CHAMP1: variants seen among roughly 807,000 people sequenced by gnomAD.
The protein encoded by CHAMP1 is chromosome alignment maintaining phosphoprotein 1.
A neutral mutation model predicts 54.5 loss-of-function variants in CHAMP1; 4 were observed. That is an observed-to-expected ratio of 0.07 (90% CI 0.04 to 0.17). The LOEUF is 0.17. Among genes scored for constraint, CHAMP1 ranks in the 10% least tolerant of loss-of-function variants. The probability of loss-of-function intolerance (pLI) is 1.00; values close to 1 mark genes in which losing one functional copy is unlikely to be tolerated. For missense variants in CHAMP1, 994 were observed against 968.6 expected, an observed-to-expected ratio of 1.03 and a Z score of -0.35; for synonymous variants, 368 against 342.2, an observed-to-expected ratio of 1.08 and a Z score of -0.83.
Position 114,325,173 on chromosome 13 carries a change from G to T in CHAMP1, c.1331G>T (p.Gly444Val). ...TCTCCAGAGCTCAGAAAACCCTCAG[G>T]GTCACCAGATCTTTGGAAGCTTTCT... is the stretch of plus-strand genomic sequence containing the variant. ...AGSPELRKPSGSPDLWKLSPD... is the reference protein window; with the variant it reads ...AGSPELRKPSVSPDLWKLSPD... Residue 444 changes from glycine to valine, a missense_variant, in exon 3 of 3, where the codon GGG (glycine) becomes GTG (valine). By Grantham distance (109) the Gly-to-Val change is moderately radical (BLOSUM62 -3). Coordinates refer to ENST00000361283, the MANE Select transcript of CHAMP1 (RefSeq NM_032436.4). 1 of 1,614,072 alleles carries T rather than the reference G, an allele frequency of 6.2e-7. No homozygotes were observed.
At chr13:114,315,115 A>G (rs1455771567) in intron 1 of CHAMP1, among the ~76,000 whole-genome samples, 4 of 152,244 alleles carry the variant, frequency 2.6e-5, no homozygotes, top group African/African-American at 9.6e-5. Context: ...ATGGGCAAGG[A>G]ATTTGAATAG....
At position 114,324,018 on chromosome 13, in the gene CHAMP1, CAA is replaced by C; in HGVS notation, c.178_179del (p.Lys60ValfsTer6). 2 of 1,614,134 alleles carry C rather than the reference CAA, an allele frequency of 1.2e-6. No homozygotes were observed. Among genetic ancestry groups the C allele is most frequent in the Non-Finnish European group, 1.7e-6 (2 of 1,180,014 alleles). ...AAAATGATATTTTACCAGAAAAGTGCAAAGTTATTTCACTGCCATAAATGCTT... is the reference window on the plus strand; with the variant it reads ...AAAATGATATTTTACCAGAAAAGTGCAGTTATTTCACTGCCATAAATGCTT... On this transcript the variant is annotated frameshift_variant, in exon 3 of 3. Transcript: ENST00000361283. LOFTEE classifies it high-confidence loss of function.
At chr13:114,316,363 A>T (rs904081718) in intron 1 of CHAMP1, among the ~76,000 whole-genome samples, 1 of 151,582 alleles carries the variant, frequency 6.6e-6, no homozygotes, top group African/African-American at 2.4e-5. Flanking sequence ...AGGTTTCTCC[A>T]CGTTGGTTAG....
chr13:114,321,297 C>T (rs2087167110), intron 2 of CHAMP1, 65 bp downstream of exon 2: 1 of 151,276 alleles, frequency 6.6e-6, no homozygotes, highest in Non-Finnish European at 1.5e-5. Flanking sequence ...AAAAAAAATA[C>T]CTGGAGTTCT....
intron 2 of CHAMP1, 75 bp from the exon 3 acceptor site, chr13:114,323,713 A>G (rs536826000): frequency 2.6e-6 from 3 of 1,169,108 alleles, no homozygotes; most frequent in Middle Eastern, 2.4e-4. Flanking sequence ...AAAATTATGC[A>G]GTTATAGAAT....
At position 114,324,450 on chromosome 13, in the gene CHAMP1, C is replaced by T. The variant is rs1444926215; in HGVS notation, c.608C>T (p.Pro203Leu). 6.2e-7 allele frequency: 1 copy of T among 1,614,158 alleles called. No individual in the cohort carries two copies. Among genetic ancestry groups the T allele is most frequent in the South Asian group, 1.1e-5 (1 of 91,082 alleles). The change falls in exon 3 of 3, where the codon CCT becomes CTT. Residue 203 changes from proline to leucine, a missense_variant. This residue lies in a region of CHAMP1 where 851 missense variants were observed against 701.3 expected (regional missense o/e 1.21). Coordinates refer to ENST00000361283, the MANE Select transcript of CHAMP1 (RefSeq NM_032436.4). ...GAGTCTCAGAAACTTGCCCCTGTTC[C>T]TTCTCCAGAACCACAGAAACCTGCC... Reference protein sequence around the residue: ...VCESQKLAPVPSPEPQKPAPV... With the variant: ...VCESQKLAPVLSPEPQKPAPV...
At position 114,325,009 on chromosome 13, in the gene CHAMP1, A is replaced by G. The variant is rs782393001; in HGVS notation, c.1167A>G (p.Ser389=). The change falls in exon 3 of 3, where the codon TCA becomes TCG. Residue 389 remains serine (S), a synonymous_variant. Transcript: ENST00000361283. Reference sequence around the variant, plus strand: ...AGTCTCCCCCTGCATCTCCTGAGTCATGGAAGTCTGGCCCACCAGAACTCC... The same window carrying G: ...AGTCTCCCCCTGCATCTCCTGAGTCGTGGAAGTCTGGCCCACCAGAACTCC... ...SWKSPPASPE[S]WKSGPPELRK... 4 of 1,614,098 alleles carry G rather than the reference A, an allele frequency of 2.5e-6. No individual in the cohort carries two copies. The Admixed American group carries it at 6.7e-5, about 27-fold the overall frequency.
intron 1 of CHAMP1, among the ~76,000 whole-genome samples, chr13:114,317,435 G>A (rs926105575): frequency 6.6e-6 from 1 of 152,036 alleles, no homozygotes; most frequent in South Asian, 2.1e-4. Context: ...GGACCAGCCT[G>A]GACAACATAG....
In CHAMP1 at chr13:114,324,157, T is replaced by C. The variant is rs144710092; in HGVS notation, c.315T>C (p.Pro105=). Residue 105 remains proline (P), a synonymous_variant, in exon 3 of 3, where the codon CCT becomes CCC. Coordinates refer to ENST00000361283, the MANE Select transcript of CHAMP1 (RefSeq NM_032436.4). The part of the protein sequence containing the change: ...PKNQLNKETD[P]VKSPPLPEHQ... Reference sequence around the variant, plus strand: ...ATCAGTTGAACAAAGAAACAGATCCTGTGAAAAGCCCTCCTCTTCCTGAAC... The same window carrying C: ...ATCAGTTGAACAAAGAAACAGATCCCGTGAAAAGCCCTCCTCTTCCTGAAC... 3.1e-6 allele frequency: 5 copies of C among 1,614,158 alleles called. No homozygotes were observed. The highest frequency in any genetic ancestry group is 3.3e-4 in the Middle Eastern group (2 of 6,062).
At chr13:114,316,476 G>T (rs1818785275) in intron 1 of CHAMP1, among the ~76,000 whole-genome samples, 1 of 151,654 alleles carries the variant, frequency 6.6e-6, no homozygotes, top group Non-Finnish European at 1.5e-5. Flanking sequence ...TGTAGTCCCA[G>T]CTACTGGGGA....
At chr13:114,316,710 A>C (rs1299789442) in intron 1 of CHAMP1, among the ~76,000 whole-genome samples, 1 of 152,096 alleles carries the variant, frequency 6.6e-6, no homozygotes, top group Non-Finnish European at 1.5e-5. Context: ...ATACAGGTGA[A>C]GTATCCTTCA....
intron 1 of CHAMP1, among the ~76,000 whole-genome samples, chr13:114,320,792 T>G (rs1555378992): frequency 6.6e-6 from 1 of 151,986 alleles, no homozygotes. Context: ...CCGTCTCTAC[T>G]AAAAATACAA....
rs117872685 is a variant in CHAMP1 at position 114,319,920 on chromosome 13, C to G, written c.-178-1190C>G. On this transcript the variant is annotated intron_variant, in intron 1 of 2. Coordinates refer to ENST00000361283, the MANE Select transcript of CHAMP1 (RefSeq NM_032436.4). Reference sequence around the variant, plus strand: ...CAGTATTTTGAGAATGCAGTCTGGTCATGGGCCAGACTGTGAAGAGCTTTA... The same window carrying G: ...CAGTATTTTGAGAATGCAGTCTGGTGATGGGCCAGACTGTGAAGAGCTTTA... Among the ~76,000 whole-genome samples the G allele has an allele frequency of 2.8e-3, 421 of 152,294 alleles. 1 individual carries two copies. In the East Asian group the frequency reaches 0.042, roughly 15 times the overall value.
In CHAMP1 at chr13:114,325,548, T is replaced by C; in HGVS notation, c.1706T>C (p.Phe569Ser). 1 of 1,614,168 alleles carries C rather than the reference T, an allele frequency of 6.2e-7. No homozygotes were observed. Among genetic ancestry groups the C allele is most frequent in the South Asian group, 1.1e-5 (1 of 91,080 alleles). ...CCTGAACTCCCCAAATCTGCTCTATTCTCAGAATCACAGAAGGCTGTTGAG... is the reference window on the plus strand; with the variant it reads ...CCTGAACTCCCCAAATCTGCTCTATCCTCAGAATCACAGAAGGCTGTTGAG... ...LFPELPKSALFSESQKAVELG... is the reference protein window; with the variant it reads ...LFPELPKSALSSESQKAVELG... Residue 569 changes from phenylalanine to serine, a missense_variant, in exon 3 of 3, where the codon TTC (phenylalanine) becomes TCC (serine). Phe to Ser is a radical substitution (Grantham distance 155). Coordinates refer to ENST00000361283, the MANE Select transcript of CHAMP1 (RefSeq NM_032436.4).
chr13:114,318,531 C>G (rs1036532054), intron 1 of CHAMP1, among the ~76,000 whole-genome samples: 1 of 151,896 alleles, frequency 6.6e-6, no homozygotes, highest in Non-Finnish European at 1.5e-5. Context: ...GCCGTGTTGC[C>G]CAGGGTGTTC....
chr13:114,323,888 T>C lies in CHAMP1; in HGVS notation c.46T>C (p.Cys16Arg). 1 of 1,613,306 alleles carries C rather than the reference T, an allele frequency of 6.2e-7. No homozygotes were observed. The highest frequency in any genetic ancestry group is 8.5e-7 in the Non-Finnish European group (1 of 1,179,422). ...TCGTAAACCATCAGCACGTTTGGAG[T>C]GTGACCATTGCAGTTTCAGAGGCAC... ...ELRKPSARLE[C>R]DHCSFRGTDY... Residue 16 changes from cysteine (C) to arginine (R), a missense_variant, in exon 3 of 3, where the codon TGT (cysteine) becomes CGT (arginine). By Grantham distance (180) the Cys-to-Arg change is radical (BLOSUM62 -3). Coordinates refer to ENST00000361283, the MANE Select transcript of CHAMP1 (RefSeq NM_032436.4).
Position 114,324,243 on chromosome 13 carries a change from C to G in CHAMP1, c.401C>G (p.Thr134Arg). Residue 134 changes from threonine (T) to arginine (R), a missense_variant, in exon 3 of 3, where the codon ACA becomes AGA. Thr to Arg is a moderately conservative substitution (Grantham distance 71). Around this residue, in one of 3 missense-constraint regions of CHAMP1, gnomAD observed 851 missense variants for 701.3 expected, o/e 1.21. Transcript: ENST00000361283. ...TCCATACCTGCCCTTTCAATGGAAA[C>G]ACAGAAACTTGGTTCAGTTTTGTCT... ...PKSIPALSMETQKLGSVLSPE... is the reference protein window; with the variant it reads ...PKSIPALSMERQKLGSVLSPE... 6.2e-7 allele frequency: 1 copy of G among 1,614,170 alleles called. No homozygotes were observed. Among genetic ancestry groups the G allele is most frequent in the Non-Finnish European group, 8.5e-7 (1 of 1,180,038 alleles).
chr13:114,316,764 T>TG (rs2087104699), intron 1 of CHAMP1, among the ~76,000 whole-genome samples: 2 of 151,864 alleles, frequency 1.3e-5, no homozygotes, highest in African/African-American at 4.8e-5. Context: ...TTTTTTTTTT[T>TG]TTTTTGGATT....
rs2087211344 is a variant in CHAMP1, at chr13:114,324,362, C to G, written c.520C>G (p.Pro174Ala). ...TGAGCTACAGACACCTCTTCCTTCTCCTGAGCCTTCAAAACCTGCCTCTGT... is the reference window on the plus strand; with the variant it reads ...TGAGCTACAGACACCTCTTCCTTCTGCTGAGCCTTCAAAACCTGCCTCTGT... Reference protein sequence around the residue: ...SPELQTPLPSPEPSKPASVSS... With the variant: ...SPELQTPLPSAEPSKPASVSS... The change falls in exon 3 of 3, where the codon CCT becomes GCT. Residue 174 changes from proline (P) to alanine (A), a missense_variant. Around this residue, in one of 3 missense-constraint regions of CHAMP1, gnomAD observed 851 missense variants for 701.3 expected, o/e 1.21. Transcript: ENST00000361283. The G allele has an allele frequency of 6.2e-7, 1 of 1,607,424 alleles. No homozygotes were observed. The highest frequency in any genetic ancestry group is 8.5e-7 in the Non-Finnish European group (1 of 1,173,862).
Sources: allele counts gnomAD v4.1 joint callset (sites outside exome capture counted in the v4.1 genomes callset), GRCh38; gene constraint gnomAD v4.1.1; regional missense constraint gnomAD v4.1.1; transcripts MANE v1.5; gene names NCBI Gene and HGNC (gene_info 2026-07-23, HGNC 2026-07-21).